GADL1: variants seen among roughly 807,000 people sequenced by gnomAD.
GADL1 encodes the protein acidic amino acid decarboxylase GADL1.
GADL1 carries 71 observed loss-of-function variants against 69.5 expected under a neutral mutation model. That is an observed-to-expected ratio of 1.02 (90% CI 0.84 to 1.25). The LOEUF (loss-of-function observed/expected upper bound fraction) is 1.25. Ranked by LOEUF, GADL1 falls within the 50% of genes most tolerant of loss-of-function variation. The pLI is 0.00. For missense variants in GADL1, 737 were observed against 631.8 expected, an observed-to-expected ratio of 1.17 and a Z score of -1.79; for synonymous variants, 254 against 214.4, an observed-to-expected ratio of 1.18 and a Z score of -1.62.
At chr3:30,884,647 T>A (rs1169583718) in intron 1 of GADL1, among the ~76,000 whole-genome samples, 2 of 152,052 alleles carry the variant, frequency 1.3e-5, no homozygotes, top group African/African-American at 4.8e-5. Flanking sequence ...TTACACTATA[T>A]TACGAGTGAT....
At chr3:30,782,927 T>C (rs191705567) in intron 13 of GADL1, among the ~76,000 whole-genome samples, 15 of 152,320 alleles carry the variant, frequency 9.8e-5, no homozygotes, top group Admixed American at 9.1e-4. Flanking sequence ...GGTAGTTATA[T>C]AGTTTTATTA....
chr3:30,849,994 A>T lies in GADL1; in HGVS notation c.651+2T>A. On this transcript the variant is annotated splice_donor_variant, in intron 6 of 14. Coordinates refer to ENST00000282538, the MANE Select transcript of GADL1 (RefSeq NM_207359.3). LOFTEE classifies it high-confidence loss of function. ...ATATTCAATACCAAAAATAATTTTTACCTCTGCAGATGTGAAAAGGATTAA... is the reference window on the plus strand; with the variant it reads ...ATATTCAATACCAAAAATAATTTTTTCCTCTGCAGATGTGAAAAGGATTAA... 1 of 1,521,294 alleles carries T rather than the reference A, an allele frequency of 6.6e-7. No individual in the cohort carries two copies. Among genetic ancestry groups the T allele is most frequent in the Non-Finnish European group, 9.1e-7 (1 of 1,098,256 alleles). 94.2% of individuals were successfully genotyped at this position (1,521,294 alleles called of 1,614,324 possible). A position where few individuals can be genotyped will look rare whatever the true frequency, so the allele number is the denominator to read the frequency against.
At chr3:30,883,280 G>C (rs765508060) in intron 1 of GADL1, among the ~76,000 whole-genome samples, 4 of 151,730 alleles carry the variant, frequency 2.6e-5, no homozygotes, top group Non-Finnish European at 4.4e-5. Flanking sequence ...TTATATTTTT[G>C]GGTCTTGCAC....
intron 6 of GADL1, among the ~76,000 whole-genome samples, chr3:30,849,714 C>G (rs1366905855): frequency 6.6e-6 from 1 of 151,790 alleles, no homozygotes; most frequent in Non-Finnish European, 1.5e-5. Context: ...ATAAGACATT[C>G]AAAAAAAGAG....
chr3:30,779,820 G>T (rs1422114965), intron 13 of GADL1, among the ~76,000 whole-genome samples: 1 of 152,118 alleles, frequency 6.6e-6, no homozygotes, highest in Non-Finnish European at 1.5e-5. Context: ...TAATGTAGGT[G>T]GACTCTGCAG....
intron 11 of GADL1, among the ~76,000 whole-genome samples, chr3:30,828,106 A>AG (rs2125520895): frequency 6.6e-6 from 1 of 152,024 alleles, no homozygotes; most frequent in East Asian, 1.9e-4. Flanking sequence ...AGCTCTATGA[A>AG]GAAAAGCAAG....
Position 30,801,063 on chromosome 3 carries a change from G to A in GADL1, c.1076C>T (p.Ala359Val). 2.5e-6 allele frequency: 4 copies of A among 1,613,376 alleles called. No homozygotes were observed. Among genetic ancestry groups the A allele is most frequent in the Non-Finnish European group, 3.4e-6 (4 of 1,179,656 alleles). Reference sequence around the variant, plus strand: ...CTGCTGGAAGAGGTAAGATGCCTTGGCAGAGTAGCATTTTTTAAGAAGATC... The same window carrying A: ...CTGCTGGAAGAGGTAAGATGCCTTGACAGAGTAGCATTTTTTAAGAAGATC... Reference protein sequence around the residue: ...KSDLLKKCYSAKASYLFQQDK... With the variant: ...KSDLLKKCYSVKASYLFQQDK... Residue 359 changes from alanine (A) to valine (V), a missense_variant, in exon 12 of 15, where the codon GCC becomes GTC. Transcript: ENST00000282538.
chr3:30,756,104 C>T (rs1465686358), intron 14 of GADL1, among the ~76,000 whole-genome samples: 1 of 152,176 alleles, frequency 6.6e-6, no homozygotes, highest in Non-Finnish European at 1.5e-5. Flanking sequence ...GAACCAGCAG[C>T]AGCAGAGATG....
chr3:30,786,276 A>AC (rs1332754006), intron 13 of GADL1, 79 bp downstream of exon 13: 7 of 860,902 alleles, frequency 8.1e-6, no homozygotes, highest in Non-Finnish European at 1.4e-5. Flanking sequence ...AACCAATGAA[A>AC]CATATAACAG....
intron 1 of GADL1, among the ~76,000 whole-genome samples, chr3:30,884,228 C>G (rs77434209): frequency 0.032 from 4,841 of 152,020 alleles, 207 homozygotes; most frequent in African/African-American, 0.099. Context: ...ATATTTGAAC[C>G]GCATATGGTG....
intron 13 of GADL1, among the ~76,000 whole-genome samples, chr3:30,782,811 A>G (rs1278265369): frequency 1.3e-5 from 2 of 152,204 alleles, no homozygotes. Flanking sequence ...AAACTAAGAC[A>G]GGGGAGACTA....
In GADL1 at chr3:30,786,748, T is replaced by C. The variant is rs140382818; in HGVS notation, c.1251-342A>G. Among the ~76,000 whole-genome samples, 287 of 152,350 alleles carry C rather than the reference T, an allele frequency of 1.9e-3. No individual in the cohort carries two copies. The South Asian group carries it at 0.02, about 11-fold the overall frequency. On this transcript the variant is annotated intron_variant, in intron 12 of 14. Transcript: ENST00000282538. The stretch of plus-strand genomic sequence containing the variant: ...AAATGGGGGATTTAACCATAGGTAC[T>C]TACATTAAATAGCTGGCTTGGAGGA...
intron 14 of GADL1, among the ~76,000 whole-genome samples, chr3:30,756,216 G>A (rs1695966065): frequency 6.6e-6 from 1 of 152,134 alleles, no homozygotes; most frequent in African/African-American, 2.4e-5. Flanking sequence ...CAATGAACAT[G>A]GAGCTTGGTA....
chr3:30,740,195 A>G (rs61339902), intron 14 of GADL1, among the ~76,000 whole-genome samples: 13,522 of 152,222 alleles, frequency 0.089, 1,608 homozygotes, highest in African/African-American at 0.27. Flanking sequence ...TCAGAGTTCT[A>G]CGTAAGAGTT....
At chr3:30,844,575 G>T in intron 6 of GADL1, 109 bp from the exon 7 acceptor site, 1 of 757,542 alleles carries the variant, frequency 1.3e-6, no homozygotes, top group East Asian at 2.5e-5. Flanking sequence ...CAATCTTTGG[G>T]ACATTATTGC....
At chr3:30,771,492 A>AG (rs1559495070) in intron 14 of GADL1, among the ~76,000 whole-genome samples, 6 of 152,202 alleles carry the variant, frequency 3.9e-5, no homozygotes, top group Admixed American at 1.3e-4. Context: ...AAGTAAGGGG[A>AG]GCCTCTTAAG....
rs534153160 is a variant in GADL1 at position 30,757,632 on chromosome 3, C to T, written c.1392+20547G>A. Among the ~76,000 whole-genome samples, 55 of 152,234 alleles carry T rather than the reference C, an allele frequency of 3.6e-4. 1 individual carries two copies. The highest frequency in any genetic ancestry group is 1.2e-3 in the African/African-American group (51 of 41,542). ...TATTTTCTAGGGCACATAACCCCCCCACAGAGAATGAGTAAACACAGAAGG... is the reference window on the plus strand; with the variant it reads ...TATTTTCTAGGGCACATAACCCCCCTACAGAGAATGAGTAAACACAGAAGG... On this transcript the variant is annotated intron_variant, in intron 14 of 14. Coordinates refer to ENST00000282538, the MANE Select transcript of GADL1 (RefSeq NM_207359.3).
In GADL1 at chr3:30,783,042, CTAG is replaced by C. The variant is rs1413069335; in HGVS notation, c.1302+3310_1302+3312del. Among the ~76,000 whole-genome samples, 36 of 152,290 alleles carry C rather than the reference CTAG, an allele frequency of 2.4e-4. No individual in the cohort carries two copies. The East Asian group carries it at 6.0e-3, about 25-fold the overall frequency. Reference sequence around the variant, plus strand: ...TAGAGCTATCTGGAAGAGGAATGAACTAGTGAATTCTCTGCAAATAGGAAGTAT... The same window carrying C: ...TAGAGCTATCTGGAAGAGGAATGAACTGAATTCTCTGCAAATAGGAAGTAT... On this transcript the variant is annotated intron_variant, in intron 13 of 14. Transcript: ENST00000282538.
At chr3:30,816,653 C>T (rs893072332) in intron 11 of GADL1, among the ~76,000 whole-genome samples, 2 of 138,646 alleles carry the variant, frequency 1.4e-5, no homozygotes, top group African/African-American at 5.2e-5. Flanking sequence ...TCAAGCAATT[C>T]TCCTGCTGCA....
Sources: gnomAD v4.1 joint callset for allele counts (sites outside exome capture counted in the v4.1 genomes callset) on GRCh38, gnomAD v4.1.1 for gene constraint, MANE v1.5 for transcripts, NCBI Gene and HGNC (gene_info 2026-07-23, HGNC 2026-07-21) for gene names.